CPED1: variants seen among roughly 807,000 people sequenced by gnomAD.
The protein encoded by CPED1 is cadherin like and PC-esterase domain containing 1.
CPED1 carries 114 observed loss-of-function variants against 128.2 expected under a neutral mutation model. That is an observed-to-expected ratio of 0.89 (90% confidence interval 0.76 to 1.04). CPED1 has a LOEUF of 1.04. CPED1 is among the 50% of genes least tolerant of loss of function. The pLI is 0.00. For synonymous variants in CPED1, 462 were observed against 426.7 expected (o/e 1.08, Z -1.02); for missense variants, 1,211 against 1,207.1 (o/e 1.00, Z -0.05).
Position 121,224,668 on chromosome 7 carries a change from G to T in CPED1, c.2056-12046G>T, listed in dbSNP as rs947217133. Among the ~76,000 whole-genome samples, 4 of 152,148 alleles carry T rather than the reference G, an allele frequency of 2.6e-5. No individual in the cohort carries two copies. In the South Asian group the frequency reaches 8.3e-4, roughly 32 times the overall value. ...CTGTATTGGGTGCATATATATTTAG[G>T]ATAGTTAGCTCTTCTTGTTGAATTG... is the stretch of plus-strand genomic sequence containing the variant. On this transcript the variant is annotated intron_variant, in intron 16 of 22. Coordinates refer to ENST00000310396, the MANE Select transcript of CPED1 (RefSeq NM_024913.5).
intron 4 of CPED1, among the ~76,000 whole-genome samples, chr7:121,061,405 A>G (rs1793668901): frequency 1.3e-5 from 2 of 152,226 alleles, no homozygotes; most frequent in Admixed American, 6.5e-5. Flanking sequence ...TATTGTATAT[A>G]TGGCATTCAA....
intron 22 of CPED1, among the ~76,000 whole-genome samples, chr7:121,271,823 T>C (rs867043300): frequency 3.3e-5 from 5 of 152,134 alleles, no homozygotes; most frequent in African/African-American, 1.2e-4. Context: ...GCTAAACTAA[T>C]GAATGACCTT....
At chr7:121,240,574 A>G (rs187035753) in intron 17 of CPED1, among the ~76,000 whole-genome samples, 52 of 152,130 alleles carry the variant, frequency 3.4e-4, no homozygotes, top group African/African-American at 1.1e-3. Context: ...GTTTTCCTAT[A>G]AGTGCTACCA....
intron 16 of CPED1, among the ~76,000 whole-genome samples, chr7:121,235,317 T>C (rs955173079): frequency 2.0e-5 from 3 of 152,082 alleles, no homozygotes; most frequent in Non-Finnish European, 2.9e-5. Flanking sequence ...TACAAATCAT[T>C]TTTCTAATTT....
Position 121,295,813 on chromosome 7 carries a change from T to C in CPED1, c.*161T>C, listed in dbSNP as rs1792813789. The stretch of plus-strand genomic sequence containing the variant: ...CACCAGTACACACACAGTTAAATAA[T>C]GATAACACTTCTTACAGCTTTATGA... On this transcript the variant is annotated 3_prime_UTR_variant, in exon 23 of 23. Transcript: ENST00000310396. The C allele has an allele frequency of 3.5e-6, 2 of 568,412 alleles. No homozygotes were observed. Among genetic ancestry groups the C allele is most frequent in the East Asian group, 5.8e-5 (2 of 34,342 alleles). 35.2% of individuals were successfully genotyped at this position (568,412 alleles called of 1,614,324 possible). A position where few individuals can be genotyped will look rare whatever the true frequency, so the allele number is the denominator to read the frequency against.
chr7:121,154,458 G>T (rs758700532), intron 16 of CPED1, among the ~76,000 whole-genome samples: 59 of 151,662 alleles, frequency 3.9e-4, no homozygotes, highest in Non-Finnish European at 6.9e-4. Context: ...TTTTTTTGAG[G>T]TATATTCATT....
At chr7:121,064,630 A>G (rs964580890) in intron 5 of CPED1, among the ~76,000 whole-genome samples, 1 of 152,198 alleles carries the variant, frequency 6.6e-6, no homozygotes, top group Non-Finnish European at 1.5e-5. Context: ...GTTCTCAGTT[A>G]TGTAACACTT....
At chr7:121,216,296 C>T (rs970406515) in intron 16 of CPED1, among the ~76,000 whole-genome samples, 3 of 151,946 alleles carry the variant, frequency 2.0e-5, no homozygotes, top group African/African-American at 7.2e-5. Context: ...GCCTTGTTGC[C>T]ATCTCCTAGC....
At chr7:121,154,195 C>T (rs970908170) in intron 16 of CPED1, among the ~76,000 whole-genome samples, 1 of 152,228 alleles carries the variant, frequency 6.6e-6, no homozygotes, top group African/African-American at 2.4e-5. Flanking sequence ...TCAACTGACA[C>T]TAATCATCTC....
At chr7:121,075,125 G>A (rs1794091634) in intron 5 of CPED1, among the ~76,000 whole-genome samples, 1 of 152,108 alleles carries the variant, frequency 6.6e-6, no homozygotes, top group Admixed American at 6.6e-5. Flanking sequence ...GAGTCCTACG[G>A]TGTTATTCAA....
chr7:121,236,187 T>C (rs1000799692), intron 16 of CPED1, among the ~76,000 whole-genome samples: 3 of 152,144 alleles, frequency 2.0e-5, no homozygotes, highest in Admixed American at 6.5e-5. Flanking sequence ...CATTGCTTAG[T>C]ATAGCACATG....
intron 22 of CPED1, among the ~76,000 whole-genome samples, chr7:121,284,032 AC>A (rs1019980392): frequency 6.6e-6 from 1 of 152,154 alleles, no homozygotes; most frequent in African/African-American, 2.4e-5. Flanking sequence ...CATACCTGAG[AC>A]TGGGTAATTT....
chr7:121,145,154 A>T lies in CPED1; in HGVS notation c.2055+3013A>T, dbSNP rs569424821. On this transcript the variant is annotated intron_variant, in intron 16 of 22. Coordinates refer to ENST00000310396, the MANE Select transcript of CPED1 (RefSeq NM_024913.5). The stretch of plus-strand genomic sequence containing the variant: ...GTGTATTTGTGTATATATATATATA[A>T]ATTATGTATACTGCATATAAATTAT... Among the ~76,000 whole-genome samples the T allele has an allele frequency of 4.0e-5, 6 of 150,882 alleles. No homozygotes were observed. In the South Asian group the frequency reaches 1.3e-3, roughly 32 times the overall value.
In CPED1 at chr7:121,088,763, CAAAAAAAAAAA is replaced by C. The variant is rs71170226; in HGVS notation, c.617-8917_617-8907del. ...AAGTTAAAATCTAGGCAAAAATTGGCAAAAAAAAAAAAAAAAAAAAAAAAAAAAATTGAAAG... is the reference window on the plus strand; with the variant it reads ...AAGTTAAAATCTAGGCAAAAATTGGCAAAAAAAAAAAAAAAAAATTGAAAG... On this transcript the variant is annotated intron_variant, in intron 5 of 22. Transcript: ENST00000310396. 1.1e-3 allele frequency among the ~76,000 whole-genome samples: 58 copies of C among 53,810 alleles called. No individual in the cohort carries two copies. The South Asian group carries it at 0.032, about 30-fold the overall frequency. 35.3% of individuals were successfully genotyped at this position (53,810 alleles called of 152,430 possible).
chr7:121,279,358 G>A (rs1584650975), intron 22 of CPED1, among the ~76,000 whole-genome samples: 1 of 151,832 alleles, frequency 6.6e-6, no homozygotes, highest in Admixed American at 6.6e-5. Flanking sequence ...CAGACTAAAT[G>A]AGGCAGATTG....
intron 18 of CPED1, among the ~76,000 whole-genome samples, chr7:121,256,530 T>C (rs970807158): frequency 3.3e-5 from 5 of 152,014 alleles, no homozygotes; most frequent in Non-Finnish European, 4.4e-5. Context: ...GAATGGCTAT[T>C]ACTGAAAAGT....
chr7:121,195,509 A>G (rs1030216637), intron 16 of CPED1, among the ~76,000 whole-genome samples: 1 of 152,128 alleles, frequency 6.6e-6, no homozygotes, highest in African/African-American at 2.4e-5. Flanking sequence ...TAACACAGTT[A>G]TGCTAGGTTG....
Position 121,081,891 on chromosome 7 carries a change from ACTTC to A in CPED1, c.617-15803_617-15800del, listed in dbSNP as rs1023742978. Among the ~76,000 whole-genome samples, 33 of 152,276 alleles carry A rather than the reference ACTTC, an allele frequency of 2.2e-4. 1 individual carries two copies. Among genetic ancestry groups the A allele is most frequent in the African/African-American group, 7.7e-4 (32 of 41,564 alleles). ...AAACACTGTGTCAGGCACTTTATAC[ACTTC>A]CTTCTTTCAACCCTCTATAGCAGTT... On this transcript the variant is annotated intron_variant, in intron 5 of 22. Transcript: ENST00000310396.
chr7:121,060,364 C>T lies in CPED1; in HGVS notation c.541-3874C>T, dbSNP rs568505646. ...GGCAGGCAGCTCCACCTGCAGCCCC[C>T]GGTGCGGGATCCACTGGGTGAAGCC... is the stretch of plus-strand genomic sequence containing the variant. On this transcript the variant is annotated intron_variant, in intron 4 of 22. Transcript: ENST00000310396. Among the ~76,000 whole-genome samples, 227 of 152,358 alleles carry T rather than the reference C, an allele frequency of 1.5e-3. 1 individual carries two copies. Among genetic ancestry groups the T allele is most frequent in the African/African-American group, 4.9e-3 (204 of 41,588 alleles).
Sources: allele counts gnomAD v4.1 joint callset (sites outside exome capture counted in the v4.1 genomes callset), GRCh38; gene constraint gnomAD v4.1.1; transcripts MANE v1.5; gene names NCBI Gene and HGNC (gene_info 2026-07-23, HGNC 2026-07-21).